Variants in SLC26A7 observed in about 807,000 individuals in gnomAD.
The protein encoded by SLC26A7 is solute carrier family 26 member 7, also known as anion exchange transporter.
In SLC26A7, 59 loss-of-function variants were observed where a neutral mutation model predicts 82.5. The ratio of observed to expected loss-of-function variants is 0.72; its 90% confidence interval spans 0.58 to 0.89. SLC26A7 has a LOEUF of 0.89. SLC26A7 is among the 40% of genes least tolerant of loss of function. The pLI is 0.00. For synonymous variants in SLC26A7, 271 were observed against 274.3 expected, an observed-to-expected ratio of 0.99 and a Z score of 0.12; for missense variants, 820 against 793.0, an observed-to-expected ratio of 1.03 and a Z score of -0.41.
intron 1 of SLC26A7, among the ~76,000 whole-genome samples, chr8:91,215,470 T>G (rs1810027146): frequency 6.6e-6 from 1 of 152,118 alleles, no homozygotes; most frequent in Admixed American, 6.6e-5. Context: ...AACATAAAAC[T>G]TAGCAAAGAG....
At position 91,295,620 on chromosome 8, in the gene SLC26A7, AC is replaced by A; in HGVS notation, c.395del (p.Thr132LysfsTer26). On this transcript the variant is annotated frameshift_variant, in exon 4 of 19. Transcript: ENST00000276609. LOFTEE classifies it high-confidence loss of function. Reference protein sequence around the residue: ...NMQNLTTQSNTSVLGLSDFEM... With the variant: ...NMQNLTTQSNXSVLGLSDFEM... The stretch of plus-strand genomic sequence containing the variant: ...GCAGAATCTCACCACACAGAGTAAC[AC>A]AAGCGTGCTGGGCTTATCCGACTTT... The A allele has an allele frequency of 2.5e-6, 4 of 1,614,128 alleles. No individual in the cohort carries two copies. Among genetic ancestry groups the A allele is most frequent in the African/African-American group, 2.7e-5 (2 of 75,046 alleles).
chr8:91,250,523 G>A lies in SLC26A7; in HGVS notation c.193+679G>A, dbSNP rs992467850. ...GGTGTTTCTATTGGCAAAAGCTACC[G>A]ACCTAGTGTGCATGTGTGTGTATTT... On this transcript the variant is annotated intron_variant, in intron 2 of 18. Coordinates refer to ENST00000276609, the MANE Select transcript of SLC26A7 (RefSeq NM_052832.4). Among the ~76,000 whole-genome samples, 9 of 152,158 alleles carry A rather than the reference G, an allele frequency of 5.9e-5. No individual in the cohort carries two copies. The East Asian group carries it at 1.7e-3, about 29-fold the overall frequency.
At chr8:91,259,826 G>T (rs935605972) in intron 2 of SLC26A7, among the ~76,000 whole-genome samples, 1 of 152,010 alleles carries the variant, frequency 6.6e-6, no homozygotes, top group African/African-American at 2.4e-5. Flanking sequence ...GCACTGAAAA[G>T]AATACTCATG....
chr8:91,260,366 C>T (rs1349665239), intron 2 of SLC26A7, among the ~76,000 whole-genome samples: 1 of 152,142 alleles, frequency 6.6e-6, no homozygotes, highest in Admixed American at 6.6e-5. Context: ...TACCATATCC[C>T]TCCCTTGACA....
intron 5 of SLC26A7, among the ~76,000 whole-genome samples, chr8:91,327,089 C>T (rs1015096936): frequency 1.3e-5 from 2 of 152,138 alleles, no homozygotes; most frequent in African/African-American, 4.8e-5. Flanking sequence ...GTCACAGGCA[C>T]TGGAGTTTAG....
At position 91,295,695 on chromosome 8, in the gene SLC26A7, G is replaced by A. The variant is rs1811998851; in HGVS notation, c.469G>A (p.Val157Met). ...TGCAGCAGTTTCCTTCTTGGGAGGT[G>A]TGATTCAGGTAAGTGATACTGACAC... ...VAAAVSFLGG[V>M]IQVAMFVLQL... The change falls in exon 4 of 19, where the codon GTG becomes ATG. Residue 157 changes from valine (V) to methionine (M), a missense_variant. Physicochemically the swap from Val to Met is conservative, Grantham distance 21. Transcript: ENST00000276609. The A allele has an allele frequency of 6.2e-7, 1 of 1,613,804 alleles. No individual in the cohort carries two copies. Among genetic ancestry groups the A allele is most frequent in the Non-Finnish European group, 8.5e-7 (1 of 1,179,868 alleles).
At chr8:91,224,988 G>A (rs189325488) in intron 2 of SLC26A7, among the ~76,000 whole-genome samples, 23 of 152,346 alleles carry the variant, frequency 1.5e-4, no homozygotes, top group Non-Finnish European at 2.9e-4. Flanking sequence ...AATGCGTTGG[G>A]CTGTGGGGAC....
chr8:91,289,268 C>A, intron 3 of SLC26A7, 22 bp downstream of exon 3: 1 of 1,548,212 alleles, frequency 6.5e-7, no homozygotes, highest in Non-Finnish European at 8.9e-7. Flanking sequence ...TATGTTTATG[C>A]TTCTAATGTT....
chr8:91,318,741 A>G (rs921022446), intron 5 of SLC26A7, among the ~76,000 whole-genome samples: 3 of 152,176 alleles, frequency 2.0e-5, no homozygotes, highest in African/African-American at 7.2e-5. Flanking sequence ...TTCTTTCAGT[A>G]TTACAAATCC....
chr8:91,236,070 T>A (rs1052306591), intron 2 of SLC26A7, among the ~76,000 whole-genome samples: 1 of 152,206 alleles, frequency 6.6e-6, no homozygotes, highest in Non-Finnish European at 1.5e-5. Flanking sequence ...AAATAATGTA[T>A]CTGGAACAGA....
intron 5 of SLC26A7, among the ~76,000 whole-genome samples, chr8:91,321,681 T>C (rs1045450094): frequency 1.3e-5 from 2 of 152,220 alleles, no homozygotes; most frequent in African/African-American, 4.8e-5. Flanking sequence ...CTTTTTAAAT[T>C]TGTTCTTAAG....
At chr8:91,325,864 A>T (rs1175037674) in intron 5 of SLC26A7, among the ~76,000 whole-genome samples, 1 of 152,192 alleles carries the variant, frequency 6.6e-6, no homozygotes, top group Admixed American at 6.5e-5. Context: ...TGATTTTCTC[A>T]TTCACAAGCC....
intron 15 of SLC26A7, among the ~76,000 whole-genome samples, chr8:91,379,340 G>A (rs1267418782): frequency 6.6e-6 from 1 of 151,962 alleles, no homozygotes; most frequent in East Asian, 1.9e-4. Context: ...AAATAAAAAT[G>A]CAAATGGCCA....
At chr8:91,318,838 C>T (rs1380795859) in intron 5 of SLC26A7, among the ~76,000 whole-genome samples, 5 of 152,248 alleles carry the variant, frequency 3.3e-5, no homozygotes, top group African/African-American at 9.6e-5. Flanking sequence ...CACCTGAACC[C>T]AAGAAAGAGA....
Position 91,393,999 on chromosome 8 carries a change from A to C in SLC26A7, c.1895A>C (p.Glu632Ala). 5.0e-6 allele frequency: 8 copies of C among 1,613,676 alleles called. No individual in the cohort carries two copies. Among genetic ancestry groups the C allele is most frequent in the Non-Finnish European group, 6.8e-6 (8 of 1,179,630 alleles). The part of the protein sequence containing the change: ...NLDSEKPIFF[E>A]SVSAAISHIH... ...GACTCAGAGAAACCAATTTTTTTTG[A>C]ATCGGTATCTGCTGCAATAAGTCAT... Residue 632 changes from glutamate (E) to alanine (A), a missense_variant, in exon 18 of 19, where the codon GAA (glutamate) becomes GCA (alanine). Physicochemically the swap from Glu to Ala is moderately radical, Grantham distance 107. Transcript: ENST00000276609.
chr8:91,350,114 G>A (rs1042914801), intron 9 of SLC26A7, among the ~76,000 whole-genome samples: 5 of 152,000 alleles, frequency 3.3e-5, no homozygotes, highest in African/African-American at 9.7e-5. Context: ...GTATGCTGAC[G>A]AGTGTTTGTG....
In SLC26A7 at chr8:91,390,038, G is replaced by T. The variant is rs573668936; in HGVS notation, c.1776+600G>T. On this transcript the variant is annotated intron_variant, in intron 16 of 18. Transcript: ENST00000276609. ...GCTTCCAAACCTCATTTCCACAGATGGAAGAACACCTAATTTTGCCAATTC... is the reference window on the plus strand; with the variant it reads ...GCTTCCAAACCTCATTTCCACAGATTGAAGAACACCTAATTTTGCCAATTC... Among the ~76,000 whole-genome samples, 9 of 151,758 alleles carry T rather than the reference G, an allele frequency of 5.9e-5. 2 individuals carry two copies. Among genetic ancestry groups the T allele is most frequent in the African/African-American group, 2.2e-4 (9 of 41,382 alleles).
intron 2 of SLC26A7, among the ~76,000 whole-genome samples, chr8:91,241,640 A>G (rs1810475270): frequency 6.6e-6 from 1 of 152,118 alleles, no homozygotes. Context: ...AATAATATAC[A>G]TGAGAGTTGT....
At chr8:91,308,587 A>G (rs1469527532) in intron 4 of SLC26A7, among the ~76,000 whole-genome samples, 2 of 152,188 alleles carry the variant, frequency 1.3e-5, no homozygotes, top group Non-Finnish European at 2.9e-5. Context: ...GAAATAAGTC[A>G]TTATGAATAG....
Sources: gnomAD v4.1 joint callset for allele counts (sites outside exome capture counted in the v4.1 genomes callset) on GRCh38, gnomAD v4.1.1 for gene constraint, MANE v1.5 for transcripts, NCBI Gene and HGNC (gene_info 2026-07-23, HGNC 2026-07-21) for gene names.